Variants in KLHL3 observed in about 807,000 individuals in gnomAD.
The protein encoded by KLHL3 is kelch like family member 3.
In KLHL3, 19 loss-of-function variants were observed where a neutral mutation model predicts 70.5. That is an observed-to-expected ratio of 0.27 (90% confidence interval 0.19 to 0.40). The LOEUF (loss-of-function observed/expected upper bound fraction) is 0.40, where lower values mean the gene tolerates loss of function less well. KLHL3 is among the 10% of genes least tolerant of loss of function. The pLI is 1.00. For synonymous variants in KLHL3, 258 were observed against 290.3 expected, an observed-to-expected ratio of 0.89 and a Z score of 1.13; for missense variants, 512 against 771.1, an observed-to-expected ratio of 0.66 and a Z score of 3.98.
intron 8 of KLHL3, among the ~76,000 whole-genome samples, chr5:137,649,216 TCTCCC>T (rs1458590876): frequency 6.6e-6 from 1 of 152,216 alleles, no homozygotes; most frequent in Non-Finnish European, 1.5e-5. Flanking sequence ...ACTTAATACC[TCTCCC>T]CTTAAGTGTG....
At chr5:137,658,098 C>T (rs752518915) in intron 8 of KLHL3, 33 bp downstream of exon 8, 3 of 1,596,194 alleles carry the variant, frequency 1.9e-6, no homozygotes, top group African/African-American at 1.4e-5. Flanking sequence ...GGGCACAGTC[C>T]TGACTCTTGG....
intron 5 of KLHL3, among the ~76,000 whole-genome samples, chr5:137,682,481 A>C (rs929632818): frequency 6.6e-6 from 1 of 151,528 alleles, no homozygotes; most frequent in African/African-American, 2.4e-5. Context: ...TTGGGGAAAA[A>C]AGAGAATAAT....
At position 137,712,942 on chromosome 5, in the gene KLHL3, G is replaced by T. The variant is rs367946355; in HGVS notation, c.135-3086C>A. 3.3e-5 allele frequency among the ~76,000 whole-genome samples: 5 copies of T among 151,884 alleles called. No homozygotes were observed. The East Asian group carries it at 9.7e-4, about 29-fold the overall frequency. On this transcript the variant is annotated intron_variant, in intron 2 of 14. Transcript: ENST00000309755. ...TTTTGAAAAAAAATTTTAAAAAAAT[G>T]GTTTTTTTTCAATTGTCTGCTTCAC...
Position 137,653,078 on chromosome 5 carries a change from T to G in KLHL3, c.903+5053A>C, listed in dbSNP as rs974821289. ...TAACACGGTAAAACCCCGTCTCTAC[T>G]AAAAATACAAAAAAAAAAAAAATTA... On this transcript the variant is annotated intron_variant, in intron 8 of 14. Coordinates refer to ENST00000309755, the MANE Select transcript of KLHL3 (RefSeq NM_017415.3). The G allele has an allele frequency of 1.2e-4, 17 of 146,870 alleles. 2 individuals carry two copies. The highest frequency in any genetic ancestry group is 1.0e-3 in the Admixed American group (15 of 14,722). The allele number at this position is 146,870 out of a possible 1,614,324, so 9.1% of individuals were successfully genotyped here. A position where few individuals can be genotyped will look rare whatever the true frequency, so the allele number is the denominator to read the frequency against.
intron 8 of KLHL3, among the ~76,000 whole-genome samples, chr5:137,643,739 C>T (rs1185048602): frequency 6.6e-6 from 1 of 152,186 alleles, no homozygotes; most frequent in Admixed American, 6.5e-5. Context: ...GTGGTGAGAA[C>T]ATTCAAAATC....
intron 4 of KLHL3, among the ~76,000 whole-genome samples, chr5:137,697,828 T>C (rs957734115): frequency 3.9e-5 from 6 of 152,224 alleles, no homozygotes; most frequent in Non-Finnish European, 8.8e-5. Flanking sequence ...CAAAGAGAGC[T>C]GGTTCCAATT....
intron 14 of KLHL3, among the ~76,000 whole-genome samples, chr5:137,625,359 A>G (rs781781637): frequency 2.0e-5 from 3 of 152,180 alleles, no homozygotes; most frequent in Admixed American, 1.3e-4. Flanking sequence ...CAGTTGTCCA[A>G]TTCGACCCTG....
chr5:137,656,062 G>A (rs11748938), intron 8 of KLHL3, among the ~76,000 whole-genome samples: 28,695 of 149,992 alleles, frequency 0.19, 2,937 homozygotes, highest in Non-Finnish European at 0.23. Context: ...AATGAGCCAG[G>A]GACATGAACA....
chr5:137,680,225 T>A (rs1222668365), intron 5 of KLHL3, among the ~76,000 whole-genome samples: 1 of 152,170 alleles, frequency 6.6e-6, no homozygotes, highest in Non-Finnish European at 1.5e-5. Context: ...TTTGGGGTTT[T>A]TTGTTTTGTT....
At chr5:137,632,387 C>G (rs796190325) in intron 12 of KLHL3, among the ~76,000 whole-genome samples, 41 of 151,842 alleles carry the variant, frequency 2.7e-4, no homozygotes, top group African/African-American at 8.0e-4. Flanking sequence ...TCAAAAAAGT[C>G]GACAAAAATA....
chr5:137,682,736 A>G (rs1374017546), intron 5 of KLHL3, among the ~76,000 whole-genome samples: 1 of 152,158 alleles, frequency 6.6e-6, no homozygotes, highest in East Asian at 1.9e-4. Context: ...GTCAGGGATC[A>G]AGTCTGTGTT....
intron 7 of KLHL3, 177 bp downstream of exon 7, chr5:137,661,738 C>A: frequency 2.0e-6 from 1 of 511,490 alleles, no homozygotes; most frequent in Non-Finnish European, 3.5e-6. Flanking sequence ...GTCCTATTTT[C>A]AAGCCTATGC....
At chr5:137,647,653 C>A in intron 8 of KLHL3, 1 of 462,610 alleles carries the variant, frequency 2.2e-6, no homozygotes, top group East Asian at 7.1e-5. Context: ...GGGCTAACAC[C>A]AACAATTCAT....
chr5:137,728,851 G>A (rs1381417432), intron 1 of KLHL3, among the ~76,000 whole-genome samples: 1 of 151,954 alleles, frequency 6.6e-6, no homozygotes, highest in Non-Finnish European at 1.5e-5. Context: ...GGTGGAGGAA[G>A]AGGAGCAGAA....
At chr5:137,680,888 T>C (rs769206348) in intron 5 of KLHL3, among the ~76,000 whole-genome samples, 22 of 152,098 alleles carry the variant, frequency 1.4e-4, no homozygotes, top group Non-Finnish European at 2.9e-4. Flanking sequence ...AAGATATCCC[T>C]TGGGACCAGG....
intron 8 of KLHL3, among the ~76,000 whole-genome samples, chr5:137,657,333 G>A (rs1054669162): frequency 5.9e-5 from 9 of 152,150 alleles, no homozygotes; most frequent in African/African-American, 2.2e-4. Flanking sequence ...CTTTCCTCCT[G>A]GGTTGACTGA....
intron 13 of KLHL3, 94 bp downstream of exon 13, chr5:137,628,203 G>C: frequency 1.4e-6 from 2 of 1,478,454 alleles, no homozygotes; most frequent in Non-Finnish European, 1.9e-6. Context: ...CTCAGCTCCA[G>C]ACCCTGGGAA....
intron 1 of KLHL3, among the ~76,000 whole-genome samples, chr5:137,730,717 G>A (rs1369186985): frequency 6.6e-6 from 1 of 152,184 alleles, no homozygotes; most frequent in African/African-American, 2.4e-5. Context: ...AAGAAAACAT[G>A]CTCCTCATTA....
chr5:137,664,658 A>C (rs1187435188), intron 6 of KLHL3, among the ~76,000 whole-genome samples: 1 of 62,846 alleles, frequency 1.6e-5, no homozygotes, highest in Non-Finnish European at 3.0e-5. Context: ...CTCTACTACA[A>C]AAAAAAAAAA....
Sources: gnomAD v4.1 joint callset for allele counts (sites outside exome capture counted in the v4.1 genomes callset) on GRCh38, gnomAD v4.1.1 for gene constraint, MANE v1.5 for transcripts, NCBI Gene and HGNC (gene_info 2026-07-23, HGNC 2026-07-21) for gene names.